The following TMEM266 variants were observed in gnomAD, a reference collection of about 807,000 sequenced individuals.
TMEM266 encodes Hv1 related protein 1.
In TMEM266, 33 loss-of-function variants were observed where a neutral mutation model predicts 50.5. The observed-to-expected ratio is 0.65, with a 90% CI of 0.50 to 0.87. TMEM266 has a LOEUF of 0.87. Ranked by LOEUF, TMEM266 falls within the 40% of genes least tolerant of loss-of-function variation. The pLI is 0.00. For missense variants in TMEM266, 655 were observed against 695.1 expected, an observed-to-expected ratio of 0.94 and a Z score of 0.65; for synonymous variants, 310 against 292.3, an observed-to-expected ratio of 1.06 and a Z score of -0.62.
rs1419475229 is a variant in TMEM266 at position 76,168,322 on chromosome 15, C to A, written c.457-1494C>A. Among the ~76,000 whole-genome samples the A allele has an allele frequency of 6.6e-6, 1 of 152,258 alleles. No individual in the cohort carries two copies. Among genetic ancestry groups the A allele is most frequent in the Admixed American group, 6.5e-5 (1 of 15,282 alleles). ...AAGCATTCACCTTCCCATCCCTTCACAGAAATCAAGATTGTCCTTCACGAG... is the reference window on the plus strand; with the variant it reads ...AAGCATTCACCTTCCCATCCCTTCAAAGAAATCAAGATTGTCCTTCACGAG... On this transcript the variant is annotated intron_variant, in intron 5 of 10. Transcript: ENST00000388942. The surrounding 1 kb of genome is among the most constrained non-coding windows in gnomAD (Gnocchi z 4.4).
At chr15:76,182,575 C>A (rs1315696108) in intron 8 of TMEM266, among the ~76,000 whole-genome samples, 1 of 151,900 alleles carries the variant, frequency 6.6e-6, no homozygotes, top group African/African-American at 2.4e-5. Flanking sequence ...ACCTGGGAGG[C>A]AGAGCTTAAA....
intron 1 of TMEM266, among the ~76,000 whole-genome samples, chr15:76,087,905 TG>T (rs1024607521): frequency 6.6e-6 from 1 of 152,238 alleles, no homozygotes; most frequent in African/African-American, 2.4e-5. Flanking sequence ...CTCAGGCTAC[TG>T]GAATGTCTTT....
In TMEM266 at chr15:76,160,364, G is replaced by A. The variant is rs1423444868; in HGVS notation, c.456+196G>A. ...CAGGGAGCCCAACCCAGCCAGGGGG[G>A]TTTGGCCCTAGCAGGTGATTCCTGG... On this transcript the variant is annotated intron_variant, in intron 5 of 10. Coordinates refer to ENST00000388942, the MANE Select transcript of TMEM266 (RefSeq NM_152335.3). This position sits in a 1 kb window ranked among gnomAD's most constrained non-coding sequence, Gnocchi z 5.7. 6.6e-6 allele frequency among the ~76,000 whole-genome samples: 1 copy of A among 152,226 alleles called. No homozygotes were observed. The highest frequency in any genetic ancestry group is 1.5e-5 in the Non-Finnish European group (1 of 68,044).
At chr15:76,091,693 G>A (rs1022281740) in intron 1 of TMEM266, among the ~76,000 whole-genome samples, 1 of 151,612 alleles carries the variant, frequency 6.6e-6, no homozygotes, top group East Asian at 1.9e-4. Context: ...GAAGGATAAA[G>A]AAAAACCTAT....
In TMEM266 at chr15:76,164,785, C is replaced by T. The variant is rs150964559; in HGVS notation, c.456+4617C>T. ...CCACCCTACGCCCCCAACCCACTGC[C>T]GACAGTGTTGGGTGGCCGCGGGCTT... On this transcript the variant is annotated intron_variant, in intron 5 of 10. Coordinates refer to ENST00000388942, the MANE Select transcript of TMEM266 (RefSeq NM_152335.3). Among the ~76,000 whole-genome samples the T allele has an allele frequency of 4.1e-3, 627 of 152,334 alleles. 9 individuals are homozygous for T. Among genetic ancestry groups the T allele is most frequent in the African/African-American group, 0.014 (590 of 41,584 alleles).
At position 76,203,993 on chromosome 15, in the gene TMEM266, C is replaced by T; in HGVS notation, c.1274C>T (p.Ser425Phe). 6.2e-7 allele frequency: 1 copy of T among 1,608,240 alleles called. No homozygotes were observed. The highest frequency in any genetic ancestry group is 8.5e-7 in the Non-Finnish European group (1 of 1,175,760). Reference sequence around the variant, plus strand: ...GAGCCGTCCTCTGAGCCCGGCCCTTCTCCCCCGCCGCTGCCATCCCAGCAG... The same window carrying T: ...GAGCCGTCCTCTGAGCCCGGCCCTTTTCCCCCGCCGCTGCCATCCCAGCAG... Residue 425 changes from serine (S) to phenylalanine (F), a missense_variant, in exon 11 of 11, where the codon TCT becomes TTT. By Grantham distance (155) the Ser-to-Phe change is radical. Around this residue, in one of 3 missense-constraint regions of TMEM266, gnomAD observed 455 missense variants for 401.8 expected, o/e 1.13. Coordinates refer to ENST00000388942, the MANE Select transcript of TMEM266 (RefSeq NM_152335.3).
intron 9 of TMEM266, among the ~76,000 whole-genome samples, chr15:76,198,085 G>A (rs576380625): frequency 1.3e-5 from 2 of 152,258 alleles, no homozygotes; most frequent in Admixed American, 1.3e-4. Context: ...GGCAAGGGAT[G>A]GCCCTGGGCT....
At chr15:76,129,636 C>G (rs2037474684) in intron 1 of TMEM266, among the ~76,000 whole-genome samples, 1 of 151,774 alleles carries the variant, frequency 6.6e-6, no homozygotes, top group Non-Finnish European at 1.5e-5. Context: ...GAGTGAAACT[C>G]CATCTCAAAA....
intron 1 of TMEM266, among the ~76,000 whole-genome samples, chr15:76,088,274 C>T (rs1235563977): frequency 6.6e-6 from 1 of 152,146 alleles, no homozygotes; most frequent in East Asian, 1.9e-4. Context: ...GGCAATAAGA[C>T]AGTGTGATGA....
At chr15:76,117,246 C>CT (rs1207120787) in intron 1 of TMEM266, among the ~76,000 whole-genome samples, 1 of 133,380 alleles carries the variant, frequency 7.5e-6, no homozygotes, top group African/African-American at 2.9e-5. Flanking sequence ...ACAGTGTGTA[C>CT]ATTTTTTTTT....
chr15:76,187,147 A>G (rs1053710089), intron 8 of TMEM266, among the ~76,000 whole-genome samples: 2 of 152,078 alleles, frequency 1.3e-5, no homozygotes, highest in Non-Finnish European at 2.9e-5. Context: ...CTTCCTACTG[A>G]ATGAATGAAT....
At chr15:76,150,166 C>T (rs910683888) in intron 3 of TMEM266, among the ~76,000 whole-genome samples, 3 of 152,192 alleles carry the variant, frequency 2.0e-5, no homozygotes, top group Non-Finnish European at 2.9e-5. Context: ...ATGCACAGTG[C>T]TGTAGTTTTG....
chr15:76,181,265 A>G (rs11633749), intron 8 of TMEM266: 54,851 of 152,144 alleles, frequency 0.36, 10,686 homozygotes, highest in Admixed American at 0.5. Flanking sequence ...CCTGGATCAC[A>G]CTGGCCCTCT....
chr15:76,137,341 C>T (rs1417476717), intron 2 of TMEM266, among the ~76,000 whole-genome samples: 2 of 152,188 alleles, frequency 1.3e-5, no homozygotes, highest in African/African-American at 2.4e-5. Context: ...ATCTTACTCC[C>T]ATACAGAGTC....
chr15:76,069,044 G>A (rs2036491311), intron 1 of TMEM266, among the ~76,000 whole-genome samples: 1 of 152,198 alleles, frequency 6.6e-6, no homozygotes, highest in East Asian at 1.9e-4. Context: ...ACTTCTGTGA[G>A]CATCAGGGTC....
chr15:76,177,684 A>G (rs1360530605), intron 8 of TMEM266, among the ~76,000 whole-genome samples: 1 of 152,238 alleles, frequency 6.6e-6, no homozygotes, highest in Non-Finnish European at 1.5e-5. Flanking sequence ...TAGGAAGAGA[A>G]GCATTCCCTT....
At chr15:76,144,563 C>T (rs1429999559) in intron 3 of TMEM266, among the ~76,000 whole-genome samples, 1 of 152,208 alleles carries the variant, frequency 6.6e-6, no homozygotes, top group African/African-American at 2.4e-5. Context: ...CAAGCCTGTA[C>T]CATGCTGTCA....
intron 1 of TMEM266, among the ~76,000 whole-genome samples, chr15:76,125,825 G>T (rs2037413226): frequency 6.6e-6 from 1 of 150,384 alleles, no homozygotes; most frequent in African/African-American, 2.5e-5. Context: ...TCCAACCTGG[G>T]TGACAGAATG....
chr15:76,186,232 T>G (rs1398691872), intron 8 of TMEM266, among the ~76,000 whole-genome samples: 2 of 152,074 alleles, frequency 1.3e-5, no homozygotes, highest in African/African-American at 4.8e-5. Context: ...CACAGGAGGC[T>G]CCTTCCCACC....
Sources: allele counts gnomAD v4.1 joint callset (sites outside exome capture counted in the v4.1 genomes callset), GRCh38; gene constraint gnomAD v4.1.1; regional missense constraint gnomAD v4.1.1; non-coding constraint Gnocchi (gnomAD v3.1); transcripts MANE v1.5; gene names NCBI Gene and HGNC (gene_info 2026-07-23, HGNC 2026-07-21).